DHX34: variants seen among roughly 807,000 people sequenced by gnomAD.
DHX34 encodes probable ATP-dependent RNA helicase DHX34.
DHX34 carries 96 observed loss-of-function variants against 111.1 expected under a neutral mutation model. The observed-to-expected ratio is 0.86, with a 90% CI of 0.73 to 1.02. DHX34 has a LOEUF of 1.02. Ranked by LOEUF, DHX34 falls within the 50% of genes least tolerant of loss-of-function variation. The pLI is 0.00. For synonymous variants in DHX34, 688 were observed against 670.4 expected (o/e 1.03, Z -0.41); for missense variants, 1,560 against 1,579.9 (o/e 0.99, Z 0.21).
chr19:47,375,419 C>T (rs1191766402), intron 9 of DHX34, 47 bp from the exon 10 acceptor site: 4 of 1,524,640 alleles, frequency 2.6e-6, no homozygotes, highest in Middle Eastern at 1.8e-4. Flanking sequence ...AGTCCAGAGC[C>T]CACTGAGTCT....
chr19:47,371,261 C>CATTATCTT (rs1969957897), intron 7 of DHX34, among the ~76,000 whole-genome samples: 1 of 152,176 alleles, frequency 6.6e-6, no homozygotes, highest in Non-Finnish European at 1.5e-5. Flanking sequence ...GGGGCAGGTG[C>CATTATCTT]CCCCACTTGC....
chr19:47,365,886 G>T (rs1430018505), intron 6 of DHX34, among the ~76,000 whole-genome samples: 1 of 151,472 alleles, frequency 6.6e-6, no homozygotes. Context: ...TCTTTTGGTT[G>T]TAAGTGAGAG....
In DHX34 at chr19:47,364,505, G is replaced by C. The variant is rs1000239821; in HGVS notation, c.1593+1812G>C. ...GCCTGTTATCCCAGCACTTTGGGAGGCTGAGGCAGGAGGATTGCTTGAGGC... is the reference window on the plus strand; with the variant it reads ...GCCTGTTATCCCAGCACTTTGGGAGCCTGAGGCAGGAGGATTGCTTGAGGC... On this transcript the variant is annotated intron_variant, in intron 6 of 16. Transcript: ENST00000328771. 4.7e-4 allele frequency among the ~76,000 whole-genome samples: 72 copies of C among 152,146 alleles called. 1 individual carries two copies. Among genetic ancestry groups the C allele is most frequent in the Non-Finnish European group, 7.1e-4 (48 of 68,026 alleles).
chr19:47,354,852 CTA>C (rs2122219702), intron 2 of DHX34, 185 bp from the exon 3 acceptor site: 1 of 608,046 alleles, frequency 1.6e-6, no homozygotes, highest in African/African-American at 2.0e-5. Flanking sequence ...TGGGGTTTCT[CTA>C]TGTTAGTCAG....
intron 16 of DHX34, 141 bp from the exon 17 acceptor site, chr19:47,381,839 G>A: frequency 6.7e-7 from 1 of 1,485,690 alleles, no homozygotes; most frequent in Non-Finnish European, 8.9e-7. Context: ...ATTAATCTGG[G>A]AGGGCTTCCT....
Position 47,357,136 on chromosome 19 carries a change from A to G in DHX34, c.1018-730A>G, listed in dbSNP as rs142628952. 9.9e-3 allele frequency among the ~76,000 whole-genome samples: 1,503 copies of G among 152,284 alleles called. 28 individuals carry two copies. The highest frequency in any genetic ancestry group is 0.059 in the South Asian group (284 of 4,824). On this transcript the variant is annotated intron_variant, in intron 3 of 16. Coordinates refer to ENST00000328771, the MANE Select transcript of DHX34 (RefSeq NM_014681.6). ...AGCCAACTATGCTGGGAAATCAGCCAACCAACCTGGCTCAGGCTCAGGGTC... is the reference window on the plus strand; with the variant it reads ...AGCCAACTATGCTGGGAAATCAGCCGACCAACCTGGCTCAGGCTCAGGGTC...
rs1970104603 is a variant in DHX34 at position 47,375,391 on chromosome 19, A to T, written c.2065-75A>T. 54 of 1,462,980 alleles carry T rather than the reference A, an allele frequency of 3.7e-5. 1 individual carries two copies. In the South Asian group the frequency reaches 7.6e-4, roughly 21 times the overall value. The allele number at this position is 1,462,980 out of a possible 1,614,324, so 90.6% of individuals were successfully genotyped here. A position where few individuals can be genotyped will look rare whatever the true frequency, so the allele number is the denominator to read the frequency against. ...GGGCACTAGCAGCCCTGCCACTGGGAGGGTCCCCATTTCCATGAGTCCAGA... is the reference window on the plus strand; with the variant it reads ...GGGCACTAGCAGCCCTGCCACTGGGTGGGTCCCCATTTCCATGAGTCCAGA... On this transcript the variant is annotated intron_variant, in intron 9 of 16. Coordinates refer to ENST00000328771, the MANE Select transcript of DHX34 (RefSeq NM_014681.6).
At chr19:47,376,385 T>C in intron 11 of DHX34, 58 bp from the exon 12 acceptor site, 2 of 1,570,058 alleles carry the variant, frequency 1.3e-6, no homozygotes, top group Non-Finnish European at 1.7e-6. Flanking sequence ...AGGAGAGGCA[T>C]CCTGGGCAGA....
In DHX34 at chr19:47,382,658, G is replaced by A. The variant is rs1457885462; in HGVS notation, c.*545G>A. ...AAAATAAAAGGCCGAGCCGGGCATG[G>A]TTGCTCACTCCCGTAATAAAAAAAT... On this transcript the variant is annotated 3_prime_UTR_variant, in exon 17 of 17. Coordinates refer to ENST00000328771, the MANE Select transcript of DHX34 (RefSeq NM_014681.6). 6.6e-6 allele frequency: 1 copy of A among 152,550 alleles called. No individual in the cohort carries two copies. Among genetic ancestry groups the A allele is most frequent in the African/African-American group, 2.4e-5 (1 of 41,376 alleles). The allele number at this position is 152,550 out of a possible 1,614,324, so 9.4% of individuals were successfully genotyped here.
At chr19:47,367,346 GC>G (rs1169961550) in intron 7 of DHX34, among the ~76,000 whole-genome samples, 191 bp downstream of exon 7, 1 of 152,180 alleles carries the variant, frequency 6.6e-6, no homozygotes, top group Non-Finnish European at 1.5e-5. Flanking sequence ...CAAATCTCTG[GC>G]CTCAGGGAGC....
At chr19:47,365,493 C>T (rs1187955821) in intron 6 of DHX34, among the ~76,000 whole-genome samples, 1 of 152,170 alleles carries the variant, frequency 6.6e-6, no homozygotes, top group Non-Finnish European at 1.5e-5. Context: ...CTCAGGTGAT[C>T]TGCCTGCCTT....
chr19:47,378,975 C>T (rs1970259495), intron 13 of DHX34, among the ~76,000 whole-genome samples: 1 of 144,080 alleles, frequency 6.9e-6, no homozygotes. Context: ...ACTAAAAATA[C>T]AAAAATTAGC....
At chr19:47,381,164 C>G in intron 15 of DHX34, 22 bp from the exon 16 acceptor site, 1 of 1,611,482 alleles carries the variant, frequency 6.2e-7, no homozygotes, top group Non-Finnish European at 8.5e-7. Flanking sequence ...GGGGCCCAGC[C>G]CTGACAGCTG....
chr19:47,371,432 C>T (rs1969961883), intron 7 of DHX34, among the ~76,000 whole-genome samples: 1 of 152,166 alleles, frequency 6.6e-6, no homozygotes. Context: ...GAGGAGAGGC[C>T]AATGCTGTTG....
chr19:47,364,066 T>G (rs1969714926), intron 6 of DHX34, among the ~76,000 whole-genome samples: 1 of 152,132 alleles, frequency 6.6e-6, no homozygotes, highest in African/African-American at 2.4e-5. Context: ...GCAATTTTCT[T>G]TATTCAGGGA....
chr19:47,367,201 G>T, intron 7 of DHX34, 46 bp downstream of exon 7: 6 of 1,384,460 alleles, frequency 4.3e-6, no homozygotes, highest in Non-Finnish European at 5.6e-6. Flanking sequence ...CCAGGAGCGG[G>T]TATGGGCACA....
chr19:47,365,152 A>G (rs1039349101), intron 6 of DHX34, among the ~76,000 whole-genome samples: 12 of 152,094 alleles, frequency 7.9e-5, no homozygotes, highest in Non-Finnish European at 1.6e-4. Flanking sequence ...CCAGCTGCAT[A>G]CTAGAAACAC....
chr19:47,365,543 C>T lies in DHX34; in HGVS notation c.1594-1438C>T, dbSNP rs567220964. On this transcript the variant is annotated intron_variant, in intron 6 of 16. Transcript: ENST00000328771. Reference sequence around the variant, plus strand: ...TTGGGATTACAGGCATGAGCCACCGCGCCCGGCCTATAAAGGTTTTTAAAT... The same window carrying T: ...TTGGGATTACAGGCATGAGCCACCGTGCCCGGCCTATAAAGGTTTTTAAAT... Among the ~76,000 whole-genome samples, 37 of 152,248 alleles carry T rather than the reference C, an allele frequency of 2.4e-4. No individual in the cohort carries two copies. In the South Asian group the frequency reaches 2.9e-3, roughly 12 times the overall value.
chr19:47,368,512 G>C (rs1386360652), intron 7 of DHX34, among the ~76,000 whole-genome samples: 1 of 150,122 alleles, frequency 6.7e-6, no homozygotes, highest in Non-Finnish European at 1.5e-5. Context: ...CTCTATGTTG[G>C]TCAGGCTGGT....
Sources: allele counts gnomAD v4.1 joint callset (sites outside exome capture counted in the v4.1 genomes callset), GRCh38; gene constraint gnomAD v4.1.1; transcripts MANE v1.5; gene names NCBI Gene and HGNC (gene_info 2026-07-23, HGNC 2026-07-21).